Variants in RELN observed in about 807,000 individuals in gnomAD.
RELN encodes the protein reelin.
RELN carries 108 observed loss-of-function variants against 427.6 expected under a neutral mutation model. The observed-to-expected ratio is 0.25, with a 90% confidence interval of 0.22 to 0.30. The LOEUF (loss-of-function observed/expected upper bound fraction) is 0.30, where lower values mean the gene tolerates loss of function less well. RELN is among the 10% of genes least tolerant of loss of function. The pLI is 1.00. For missense variants in RELN, 3,715 were observed against 4,302.8 expected (o/e 0.86, Z 3.82); for synonymous variants, 1,524 against 1,513.4 (o/e 1.01, Z -0.16).
intron 51 of RELN, among the ~76,000 whole-genome samples, chr7:103,508,917 ATACT>A (rs972477104): frequency 1.3e-5 from 2 of 152,236 alleles, no homozygotes; most frequent in African/African-American, 4.8e-5. Flanking sequence ...AGAGAACAAA[ATACT>A]TAGGAATAAT....
At chr7:103,606,053 C>A (rs1246492945) in intron 22 of RELN, among the ~76,000 whole-genome samples, 1 of 152,132 alleles carries the variant, frequency 6.6e-6, no homozygotes, top group African/African-American at 2.4e-5. Flanking sequence ...GAAAAGCCTA[C>A]TATAAAAGTA....
intron 22 of RELN, among the ~76,000 whole-genome samples, chr7:103,607,239 TATA>T (rs1446063839): frequency 6.6e-6 from 1 of 152,038 alleles, no homozygotes; most frequent in Non-Finnish European, 1.5e-5. Context: ...AAACTTAAAG[TATA>T]ATAATAAAAA....
chr7:103,704,977 C>T lies in RELN; in HGVS notation c.806-3971G>A, dbSNP rs543573362. 9.2e-5 allele frequency among the ~76,000 whole-genome samples: 14 copies of T among 152,212 alleles called. No individual in the cohort carries two copies. The South Asian group carries it at 1.7e-3, about 18-fold the overall frequency. On this transcript the variant is annotated intron_variant, in intron 8 of 64. Coordinates refer to ENST00000428762, the MANE Select transcript of RELN (RefSeq NM_005045.4). ...GCAGCAGGATTTGTCAAGGCTGATC[C>T]GATATTTCTGGGATGTTCTCTTCTC...
rs564262091 is a variant in RELN, at chr7:103,567,027, G to A, written c.4589-268C>T. On this transcript the variant is annotated intron_variant, in intron 31 of 64. Coordinates refer to ENST00000428762, the MANE Select transcript of RELN (RefSeq NM_005045.4). ...TGAGTGATGAGTAAGTTGGTAAGGG[G>A]AACATAAAAACCTGCCTCAGATCAC... Among the ~76,000 whole-genome samples, 4 of 152,246 alleles carry A rather than the reference G, an allele frequency of 2.6e-5. No homozygotes were observed. The East Asian group carries it at 7.7e-4, about 29-fold the overall frequency.
chr7:103,614,086 C>T (rs1832026985), intron 20 of RELN, among the ~76,000 whole-genome samples: 2 of 152,076 alleles, frequency 1.3e-5, no homozygotes, highest in Admixed American at 1.3e-4. Flanking sequence ...TAGCTGATAA[C>T]AGATTTTAAA....
At chr7:103,669,889 A>G (rs866696515) in intron 11 of RELN, among the ~76,000 whole-genome samples, 5 of 152,290 alleles carry the variant, frequency 3.3e-5, no homozygotes, top group Middle Eastern at 3.4e-3. Context: ...TATTATAAAT[A>G]CAGTGGTATC....
At chr7:103,927,674 G>A (rs888549189) in intron 1 of RELN, among the ~76,000 whole-genome samples, 1 of 152,090 alleles carries the variant, frequency 6.6e-6, no homozygotes, top group African/African-American at 2.4e-5. Flanking sequence ...TTATTTTACA[G>A]CATGGCACTT....
chr7:103,472,993 G>A (rs1037032917), intron 64 of RELN, 85 bp from the exon 65 acceptor site: 2 of 1,079,236 alleles, frequency 1.9e-6, no homozygotes, highest in Middle Eastern at 2.0e-4. Flanking sequence ...ATCTATTCTA[G>A]GTCCTAAGTT....
rs775986044 is a variant in RELN, at chr7:103,515,231, A to G, written c.8073T>C (p.Pro2691=). Residue 2691 remains proline (P), a synonymous_variant, in exon 50 of 65, where the codon CCT becomes CCC. Transcript: ENST00000428762. Reference sequence around the variant, plus strand: ...ACATGTCAAAGGCGATCCTCCCGACAGGGCCGGCATCTGCAGGGGAGCGCT... The same window carrying G: ...ACATGTCAAAGGCGATCCTCCCGACGGGGCCGGCATCTGCAGGGGAGCGCT... ...QHERSPADAG[P]VGRIAFDMFM... The G allele has an allele frequency of 3.1e-6, 5 of 1,614,208 alleles. No homozygotes were observed. The highest frequency in any genetic ancestry group is 2.2e-5 in the South Asian group (2 of 91,080).
At chr7:103,597,330 C>T (rs949505105) in intron 24 of RELN, among the ~76,000 whole-genome samples, 4 of 152,112 alleles carry the variant, frequency 2.6e-5, no homozygotes, top group African/African-American at 7.2e-5. Context: ...AGGCCAGGCG[C>T]GGTGGCTCAT....
chr7:103,818,208 A>G (rs1792927601), intron 3 of RELN, among the ~76,000 whole-genome samples: 1 of 152,194 alleles, frequency 6.6e-6, no homozygotes, highest in African/African-American at 2.4e-5. Context: ...AATTAATACT[A>G]GTTAGTTGCA....
chr7:103,636,113 T>C, intron 18 of RELN, 122 bp downstream of exon 18: 1 of 774,288 alleles, frequency 1.3e-6, no homozygotes, highest in Non-Finnish European at 2.2e-6. Flanking sequence ...GTAGGCTCCC[T>C]CCAACCCTAG....
At chr7:103,718,469 A>G (rs1366444781) in intron 8 of RELN, among the ~76,000 whole-genome samples, 1 of 152,166 alleles carries the variant, frequency 6.6e-6, no homozygotes, top group East Asian at 1.9e-4. Flanking sequence ...TAGCTCAGTA[A>G]TTACGTACTG....
chr7:103,689,950 T>C (rs1833839760), intron 10 of RELN, among the ~76,000 whole-genome samples: 1 of 152,102 alleles, frequency 6.6e-6, no homozygotes, highest in Non-Finnish European at 1.5e-5. Context: ...TGGACTTGCC[T>C]AGATGTTTCA....
intron 1 of RELN, among the ~76,000 whole-genome samples, chr7:103,921,286 A>G (rs1413324330): frequency 6.6e-6 from 1 of 152,188 alleles, no homozygotes; most frequent in African/African-American, 2.4e-5. Context: ...GTTTACATAA[A>G]ATCATTAAAT....
chr7:103,961,724 A>G (rs1796559116), intron 1 of RELN, among the ~76,000 whole-genome samples: 1 of 152,154 alleles, frequency 6.6e-6, no homozygotes, highest in African/African-American at 2.4e-5. Flanking sequence ...TGGGAAAGTC[A>G]CTTAGTTCTT....
intron 2 of RELN, among the ~76,000 whole-genome samples, chr7:103,916,512 G>A (rs1401873992): frequency 3.3e-5 from 5 of 152,112 alleles, no homozygotes; most frequent in African/African-American, 1.2e-4. Flanking sequence ...GAGATTAATG[G>A]ACATCACGTG....
intron 10 of RELN, among the ~76,000 whole-genome samples, chr7:103,692,675 T>C (rs181785557): frequency 2.2e-4 from 33 of 152,194 alleles, no homozygotes; most frequent in South Asian, 6.2e-4. Flanking sequence ...ATGACTCTTT[T>C]GGTCTATCAG....
intron 1 of RELN, among the ~76,000 whole-genome samples, chr7:103,986,352 C>T (rs1453500845): frequency 6.6e-6 from 1 of 152,160 alleles, no homozygotes; most frequent in Non-Finnish European, 1.5e-5. Context: ...ATGTAAAAAT[C>T]TGTGACAATT....
Sources: allele counts gnomAD v4.1 joint callset (sites outside exome capture counted in the v4.1 genomes callset), GRCh38; gene constraint gnomAD v4.1.1; transcripts MANE v1.5; gene names NCBI Gene and HGNC (gene_info 2026-07-23, HGNC 2026-07-21).